Variants in EIF2AK4 observed in about 807,000 individuals in gnomAD.
The protein encoded by EIF2AK4 is eukaryotic translation initiation factor 2 alpha kinase 4.
EIF2AK4 carries 139 observed loss-of-function variants against 211.1 expected under a neutral mutation model. The ratio of observed to expected loss-of-function variants is 0.66; its 90% confidence interval spans 0.57 to 0.76. The LOEUF (loss-of-function observed/expected upper bound fraction) is 0.76, where lower values mean the gene tolerates loss of function less well. Among genes scored for constraint, EIF2AK4 ranks in the 30% least tolerant of loss-of-function variants. EIF2AK4 has a pLI of 0.00. For synonymous variants in EIF2AK4, 710 were observed against 751.3 expected, an observed-to-expected ratio of 0.94 and a Z score of 0.90; for missense variants, 1,664 against 2,043.8, an observed-to-expected ratio of 0.81 and a Z score of 3.58.
intron 20 of EIF2AK4, among the ~76,000 whole-genome samples, chr15:39,999,330 AT>A (rs1445020362): frequency 6.6e-6 from 1 of 152,090 alleles, no homozygotes; most frequent in Non-Finnish European, 1.5e-5. Context: ...ATTAAAAAAA[AT>A]ATTATTGGTG....
intron 6 of EIF2AK4, among the ~76,000 whole-genome samples, chr15:39,959,889 T>C (rs1276784398): frequency 1.3e-5 from 2 of 152,058 alleles, no homozygotes; most frequent in Non-Finnish European, 2.9e-5. Context: ...ATGGGCCAGG[T>C]GTGGTGGCTC....
chr15:39,998,922 T>C (rs2035057465), intron 20 of EIF2AK4, 138 bp downstream of exon 20: 1 of 696,532 alleles, frequency 1.4e-6, no homozygotes, highest in South Asian at 2.2e-5. Flanking sequence ...TATGAAAAGA[T>C]GAAGCACTTA....
Position 40,016,515 on chromosome 15 carries a change from A to T in EIF2AK4, c.3773A>T (p.Tyr1258Phe). Residue 1258 changes from tyrosine (Y) to phenylalanine (F), a missense_variant, in exon 28 of 39, where the codon TAC becomes TTC. Coordinates refer to ENST00000263791, the MANE Select transcript of EIF2AK4 (RefSeq NM_001013703.4). ...SLSSNSLCRL[Y>F]KFIEQKGDLQ... ...TTTGCTTTCCAGCTGTGTCGACTCT[A>T]CAAGTTTATTGAACAGAAGGGAGAT... The T allele has an allele frequency of 1.9e-6, 3 of 1,614,148 alleles. No individual in the cohort carries two copies. Among genetic ancestry groups the T allele is most frequent in the Non-Finnish European group, 2.5e-6 (3 of 1,179,994 alleles).
intron 23 of EIF2AK4, among the ~76,000 whole-genome samples, chr15:40,004,635 G>A (rs548633760): frequency 5.3e-5 from 8 of 152,310 alleles, no homozygotes; most frequent in African/African-American, 1.9e-4. Context: ...GTTGAGCCCA[G>A]GAAGTCAAGG....
chr15:40,001,001 C>A lies in EIF2AK4; in HGVS notation c.2936C>A (p.Ser979Tyr), dbSNP rs776612590. ...GTTTTATTGTAGAAATCAGTCATCT[C>A]CTGGCTGTTGAACCACGATCCAGCA... ...GEHAKQKSVI[S>Y]WLLNHDPAKR... Residue 979 changes from serine to tyrosine, a missense_variant, in exon 21 of 39, where the codon TCC becomes TAC. By Grantham distance (144) the Ser-to-Tyr change is moderately radical (BLOSUM62 -2). Around this residue, in one of 7 missense-constraint regions of EIF2AK4, gnomAD observed 622 missense variants for 796.8 expected, o/e 0.78. Transcript: ENST00000263791. 13 of 1,614,072 alleles carry A rather than the reference C, an allele frequency of 8.1e-6. No individual in the cohort carries two copies. Among genetic ancestry groups the A allele is most frequent in the South Asian group, 4.4e-5 (4 of 91,080 alleles).
chr15:39,968,897 C>CACACAT (rs1242829457), intron 9 of EIF2AK4, among the ~76,000 whole-genome samples: 103 of 135,246 alleles, frequency 7.6e-4, no homozygotes, highest in South Asian at 1.8e-3. Context: ...TATATACACA[C>CACACAT]ACATACATAC....
At chr15:39,962,723 T>C (rs2034490474) in intron 7 of EIF2AK4, among the ~76,000 whole-genome samples, 1 of 152,238 alleles carries the variant, frequency 6.6e-6, no homozygotes, top group Non-Finnish European at 1.5e-5. Context: ...CTATATGCCT[T>C]ATTTAGAAGT....
At position 39,982,125 on chromosome 15, in the gene EIF2AK4, C is replaced by T. The variant is rs369722274; in HGVS notation, c.2320-3680C>T. 3.6e-3 allele frequency among the ~76,000 whole-genome samples: 548 copies of T among 152,176 alleles called. 3 individuals are homozygous for T. Among genetic ancestry groups the T allele is most frequent in the African/African-American group, 0.013 (520 of 41,508 alleles). ...ATTTTTAGTAGAGACAGGGTTTCAC[C>T]GTGTTAGCCAGGATGGTCTCGATCT... On this transcript the variant is annotated intron_variant, in intron 13 of 38. Coordinates refer to ENST00000263791, the MANE Select transcript of EIF2AK4 (RefSeq NM_001013703.4).
chr15:39,934,418 G>C (rs2034032924), intron 1 of EIF2AK4, 79 bp downstream of exon 1: 2 of 1,502,140 alleles, frequency 1.3e-6, no homozygotes, highest in Non-Finnish European at 1.8e-6. Flanking sequence ...GACACTTCCA[G>C]ATTGGGCCGC....
At chr15:40,002,381 T>C in intron 21 of EIF2AK4, 1 of 221,580 alleles carries the variant, frequency 4.5e-6, no homozygotes, top group Non-Finnish European at 8.9e-6. Flanking sequence ...TGTTAGGTGG[T>C]CATCGCGCCA....
At position 40,030,259 on chromosome 15, in the gene EIF2AK4, C is replaced by T. The variant is rs2307101; in HGVS notation, c.4562-100C>T. Reference sequence around the variant, plus strand: ...AGTCGTGATCTAGCCCTTAGAATCACGACAGGATGTCTACTAATAAACTCT... The same window carrying T: ...AGTCGTGATCTAGCCCTTAGAATCATGACAGGATGTCTACTAATAAACTCT... On this transcript the variant is annotated intron_variant, in intron 34 of 38. Transcript: ENST00000263791. 0.067 allele frequency: 79,527 copies of T among 1,189,240 alleles called. 3,295 individuals are homozygous for T. The highest frequency in any genetic ancestry group is 0.21 in the East Asian group (8,006 of 38,856). 73.7% of individuals were successfully genotyped at this position (1,189,240 alleles called of 1,614,324 possible). A position where few individuals can be genotyped will look rare whatever the true frequency, so the allele number is the denominator to read the frequency against.
intron 6 of EIF2AK4, among the ~76,000 whole-genome samples, chr15:39,961,335 C>A (rs942638431): frequency 6.6e-6 from 1 of 152,196 alleles, no homozygotes; most frequent in Non-Finnish European, 1.5e-5. Flanking sequence ...TATGGGATAC[C>A]TGTGGAATTG....
rs920984751 is a variant in EIF2AK4, at chr15:39,969,800, GAA to G, written c.1553+1925_1553+1926del. Among the ~76,000 whole-genome samples, 24 of 152,282 alleles carry G rather than the reference GAA, an allele frequency of 1.6e-4. No homozygotes were observed. In the South Asian group the frequency reaches 2.1e-3, roughly 13 times the overall value. On this transcript the variant is annotated intron_variant, in intron 9 of 38. Transcript: ENST00000263791. ...TGCTGTCCAGCCCTGGTTAACAAAAGAAAAATGCCATTCACAAAGAATGAAAA... is the reference window on the plus strand; with the variant it reads ...TGCTGTCCAGCCCTGGTTAACAAAAGAAATGCCATTCACAAAGAATGAAAA...
intron 25 of EIF2AK4, among the ~76,000 whole-genome samples, chr15:40,008,443 T>C (rs151001819): frequency 6.6e-6 from 1 of 152,296 alleles, no homozygotes; most frequent in East Asian, 1.9e-4. Context: ...ATGCAAGATA[T>C]CAGGCTAAGA....
At chr15:39,999,020 G>A (rs550346512) in intron 20 of EIF2AK4, among the ~76,000 whole-genome samples, 60 of 151,454 alleles carry the variant, frequency 4.0e-4, no homozygotes, top group African/African-American at 1.4e-3. Flanking sequence ...TGTGCAATTC[G>A]TTGTGCTTTT....
chr15:39,967,800 A>G lies in EIF2AK4; in HGVS notation c.1474A>G (p.Ser492Gly). 1.2e-6 allele frequency: 2 copies of G among 1,614,214 alleles called. No individual in the cohort carries two copies. Among genetic ancestry groups the G allele is most frequent in the African/African-American group, 2.7e-5 (2 of 75,054 alleles). ...TCTTGGCCTTCTGCTGCTGTCCCTC[A>G]GCCAAGGACAGGAATGTGGAGAGTA... ...WRLGLLLLSL[S>G]QGQECGEYPV... Residue 492 changes from serine to glycine, a missense_variant, in exon 9 of 39, where the codon AGC becomes GGC. Ser to Gly is a moderately conservative substitution (Grantham distance 56). Coordinates refer to ENST00000263791, the MANE Select transcript of EIF2AK4 (RefSeq NM_001013703.4).
chr15:39,934,125 C>T lies in EIF2AK4; in HGVS notation c.-71C>T. Reference sequence around the variant, plus strand: ...CCATAGCCCGTCCCCAGCGCGGAGCCCCGCCCCGCAGGCTGCCGGGGGCCC... The same window carrying T: ...CCATAGCCCGTCCCCAGCGCGGAGCTCCGCCCCGCAGGCTGCCGGGGGCCC... On this transcript the variant is annotated 5_prime_UTR_variant, in exon 1 of 39. Transcript: ENST00000263791. The T allele has an allele frequency of 1.6e-6, 2 of 1,212,758 alleles. No homozygotes were observed. The highest frequency in any genetic ancestry group is 2.0e-6 in the Non-Finnish European group (2 of 975,908). 75.1% of individuals were successfully genotyped at this position (1,212,758 alleles called of 1,614,324 possible).
chr15:39,998,230 CTCTA>C (rs2035042963), intron 19 of EIF2AK4, among the ~76,000 whole-genome samples: 1 of 139,834 alleles, frequency 7.2e-6, no homozygotes, highest in African/African-American at 2.6e-5. Context: ...TTTTCTCTTA[CTCTA>C]TCTGTGTTGG....
chr15:39,953,997 C>T lies in EIF2AK4; in HGVS notation c.594+13C>T, dbSNP rs779024256. Reference sequence around the variant, plus strand: ...AATGGCTAAGCAGGTACCCTATCAACTCCACCATAATAATTTACATTTTGC... The same window carrying T: ...AATGGCTAAGCAGGTACCCTATCAATTCCACCATAATAATTTACATTTTGC... On this transcript the variant is annotated intron_variant, in intron 5 of 38. Coordinates refer to ENST00000263791, the MANE Select transcript of EIF2AK4 (RefSeq NM_001013703.4). The T allele has an allele frequency of 3.8e-6, 6 of 1,559,470 alleles. No individual in the cohort carries two copies. The highest frequency in any genetic ancestry group is 5.2e-6 in the Non-Finnish European group (6 of 1,157,806).
Sources: allele counts gnomAD v4.1 joint callset (sites outside exome capture counted in the v4.1 genomes callset), GRCh38; gene constraint gnomAD v4.1.1; regional missense constraint gnomAD v4.1.1; transcripts MANE v1.5; gene names NCBI Gene and HGNC (gene_info 2026-07-23, HGNC 2026-07-21).